SNX1: variants seen among roughly 807,000 people sequenced by gnomAD.
SNX1 encodes sorting nexin 1.
A neutral mutation model predicts 71.8 loss-of-function variants in SNX1; 36 were observed. That is an observed-to-expected ratio of 0.50 (90% CI 0.38 to 0.66). SNX1 has a LOEUF of 0.66. SNX1 is among the 30% of genes least tolerant of loss of function. The pLI is 0.00. For synonymous variants in SNX1, 254 were observed against 240.7 expected, an observed-to-expected ratio of 1.06 and a Z score of -0.51; for missense variants, 612 against 646.7, an observed-to-expected ratio of 0.95 and a Z score of 0.58.
At chr15:64,113,941 A>G (rs1366351889) in intron 2 of SNX1, among the ~76,000 whole-genome samples, 1 of 152,190 alleles carries the variant, frequency 6.6e-6, no homozygotes, top group Non-Finnish European at 1.5e-5. Context: ...AGTATAAGGT[A>G]TGTTTGAGTG....
At position 64,134,536 on chromosome 15, in the gene SNX1, A is replaced by G. The variant is rs2081337490; in HGVS notation, c.1222-128A>G. 1.4e-5 allele frequency: 15 copies of G among 1,102,622 alleles called. No individual in the cohort carries two copies. Among genetic ancestry groups the G allele is most frequent in the Non-Finnish European group, 1.8e-5 (14 of 783,444 alleles). The allele number at this position is 1,102,622 out of a possible 1,614,324, so 68.3% of individuals were successfully genotyped here. The stretch of plus-strand genomic sequence containing the variant: ...TTAAACTTCCCAGCTGGGCACTAAC[A>G]TGTGGCTGCAGAACCTGCCCTTGCT... On this transcript the variant is annotated intron_variant, in intron 11 of 14. Transcript: ENST00000559844. This position sits in a 1 kb window ranked among gnomAD's most constrained non-coding sequence, Gnocchi z 4.1.
intron 14 of SNX1, 78 bp from the exon 15 acceptor site, chr15:64,137,490 G>A (rs2081370902): frequency 1.3e-6 from 2 of 1,556,820 alleles, no homozygotes; most frequent in Non-Finnish European, 1.8e-6. Flanking sequence ...CCAGGGTACT[G>A]TGCTTGATTC....
intron 1 of SNX1, among the ~76,000 whole-genome samples, chr15:64,099,582 C>A (rs1379006217): frequency 6.6e-6 from 1 of 152,186 alleles, no homozygotes; most frequent in African/African-American, 2.4e-5. Context: ...AGCCCAGGAG[C>A]TTGAGGCTTT....
At chr15:64,126,392 C>G (rs1387856987) in intron 6 of SNX1, among the ~76,000 whole-genome samples, 172 bp downstream of exon 6, 1 of 152,150 alleles carries the variant, frequency 6.6e-6, no homozygotes, top group African/African-American at 2.4e-5. Flanking sequence ...CATATTTTGG[C>G]ATGTTCTCCT....
chr15:64,109,753 G>A (rs1050996593), intron 1 of SNX1, among the ~76,000 whole-genome samples: 1 of 152,042 alleles, frequency 6.6e-6, no homozygotes, highest in African/African-American at 2.4e-5. Flanking sequence ...GGTTATGTAG[G>A]CACCTCTGCC....
intron 1 of SNX1, among the ~76,000 whole-genome samples, chr15:64,104,272 G>GTTTT (rs34006143): frequency 1.6e-5 from 2 of 123,326 alleles, no homozygotes; most frequent in Non-Finnish European, 3.3e-5. Flanking sequence ...GGAGTAAAGG[G>GTTTT]TTTTTTTTTT....
rs193219069 is a variant in SNX1 at position 64,119,976 on chromosome 15, A to G, written c.466+1122A>G. 3.9e-5 allele frequency among the ~76,000 whole-genome samples: 6 copies of G among 152,278 alleles called. No homozygotes were observed. In the East Asian group the frequency reaches 7.7e-4, roughly 20 times the overall value. Reference sequence around the variant, plus strand: ...TGGGATCCAAGTTGAATTGTACTCAAAATTGAAGTTAGATCTTCAAAAAGC... The same window carrying G: ...TGGGATCCAAGTTGAATTGTACTCAGAATTGAAGTTAGATCTTCAAAAAGC... On this transcript the variant is annotated intron_variant, in intron 4 of 14. Transcript: ENST00000559844.
intron 10 of SNX1, 139 bp downstream of exon 10, chr15:64,130,460 A>T (rs1433428296): frequency 1.2e-5 from 8 of 663,582 alleles, no homozygotes; most frequent in Non-Finnish European, 1.6e-5. Context: ...ATGTTCTGAT[A>T]AAAAAAAGGT....
At chr15:64,101,093 C>T (rs1372171263) in intron 1 of SNX1, among the ~76,000 whole-genome samples, 1 of 152,176 alleles carries the variant, frequency 6.6e-6, no homozygotes, top group Non-Finnish European at 1.5e-5. Context: ...TGAGTCACCA[C>T]GCTTGGCCCA....
chr15:64,118,875 C>T (rs1001404579), intron 4 of SNX1, 21 bp downstream of exon 4: 2 of 1,589,444 alleles, frequency 1.3e-6, no homozygotes, highest in Non-Finnish European at 8.6e-7. Context: ...CTTAGGACTC[C>T]TTGTGATGTT....
In SNX1 at chr15:64,108,093, T is replaced by C. The variant is rs568882753; in HGVS notation, c.160-4480T>C. ...CTGTAGTCCCAGCTACTTGGGAGGC[T>C]GAGGCAGGAGAACGGCATGAACCTG... On this transcript the variant is annotated intron_variant, in intron 1 of 14. Transcript: ENST00000559844. 3.3e-5 allele frequency among the ~76,000 whole-genome samples: 5 copies of C among 151,524 alleles called. No individual in the cohort carries two copies. The South Asian group carries it at 1.0e-3, about 32-fold the overall frequency.
chr15:64,097,979 G>A (rs1451449700), intron 1 of SNX1, among the ~76,000 whole-genome samples: 1 of 152,182 alleles, frequency 6.6e-6, no homozygotes, highest in Non-Finnish European at 1.5e-5. Context: ...ACTGTCAAAT[G>A]AAGTCTCTTA....
chr15:64,122,189 ACTT>A (rs1321865026), intron 4 of SNX1, among the ~76,000 whole-genome samples: 7 of 151,670 alleles, frequency 4.6e-5, no homozygotes, highest in African/African-American at 1.7e-4. Flanking sequence ...TATGGGATTG[ACTT>A]CTTGGACATT....
intron 13 of SNX1, 75 bp downstream of exon 13, chr15:64,136,485 T>A: frequency 7.7e-7 from 1 of 1,305,626 alleles, no homozygotes; most frequent in Non-Finnish European, 1.1e-6. Flanking sequence ...TGTCCAACTC[T>A]GTTGGGTAAA....
At chr15:64,109,244 G>A (rs1051874309) in intron 1 of SNX1, among the ~76,000 whole-genome samples, 7 of 151,664 alleles carry the variant, frequency 4.6e-5, no homozygotes, top group Admixed American at 2.0e-4. Flanking sequence ...GTGGTGGCAC[G>A]CGCCTGTAGT....
intron 1 of SNX1, among the ~76,000 whole-genome samples, chr15:64,104,802 T>C (rs2081002273): frequency 6.6e-6 from 1 of 150,880 alleles, no homozygotes; most frequent in Non-Finnish European, 1.5e-5. Flanking sequence ...GGAGAATCAC[T>C]TGAACCCGGG....
chr15:64,098,152 G>C (rs1242515425), intron 1 of SNX1, among the ~76,000 whole-genome samples: 1 of 152,172 alleles, frequency 6.6e-6, no homozygotes, highest in Non-Finnish European at 1.5e-5. Flanking sequence ...GTGCATGCCT[G>C]AGAAATAATA....
intron 1 of SNX1, among the ~76,000 whole-genome samples, chr15:64,107,931 C>T (rs1248590707): frequency 6.6e-6 from 1 of 152,104 alleles, no homozygotes; most frequent in East Asian, 1.9e-4. Flanking sequence ...CAGTGGCTCA[C>T]GCCTGTAATC....
intron 6 of SNX1, among the ~76,000 whole-genome samples, chr15:64,126,641 G>A (rs748787591): frequency 5.3e-5 from 8 of 152,064 alleles, no homozygotes; most frequent in African/African-American, 1.4e-4. Context: ...GTGCAGTGGC[G>A]CGATCTCAGC....
Sources: gnomAD v4.1 joint callset for allele counts (sites outside exome capture counted in the v4.1 genomes callset) on GRCh38, gnomAD v4.1.1 for gene constraint, Gnocchi (gnomAD v3.1) non-coding constraint, MANE v1.5 for transcripts, NCBI Gene and HGNC (gene_info 2026-07-23, HGNC 2026-07-21) for gene names.